PASK: variants seen among roughly 807,000 people sequenced by gnomAD.
The protein encoded by PASK is PAS domain containing serine/threonine kinase, also known as PAS domain-containing serine/threonine-protein kinase.
Under a neutral mutation model 121.0 loss-of-function variants are expected in PASK, and 110 were observed. The observed-to-expected ratio is 0.91, with a 90% CI of 0.78 to 1.06. PASK has a LOEUF of 1.06. Among genes scored for constraint, PASK ranks in the 50% least tolerant of loss-of-function variants. The pLI, the probability that PASK is intolerant of heterozygous loss-of-function variation, is 0.00. For synonymous variants in PASK, 686 were observed against 717.8 expected, an observed-to-expected ratio of 0.96 and a Z score of 0.71; for missense variants, 1,643 against 1,702.3, an observed-to-expected ratio of 0.97 and a Z score of 0.61.
chr2:241,124,233 TC>T, intron 10 of PASK, 100 bp from the exon 11 acceptor site: 1 of 943,614 alleles, frequency 1.1e-6, no homozygotes, highest in Non-Finnish European at 1.7e-6. Flanking sequence ...AACAGTCCAA[TC>T]CCCAGCAGCT....
chr2:241,107,392 C>T lies in PASK; in HGVS notation c.3775G>A (p.Asp1259Asn), dbSNP rs1368573604. 1 of 1,614,066 alleles carries T rather than the reference C, an allele frequency of 6.2e-7. No individual in the cohort carries two copies. Among genetic ancestry groups the T allele is most frequent in the Non-Finnish European group, 8.5e-7 (1 of 1,179,928 alleles). ...CGAAACACCTCTTCCCATGTATAGT[C>T]AGCAAGATTCACAGGCTGTGTTACC... ...PWVTQPVNLA[D>N]YTWEEVFRVN... The change falls in exon 17 of 18, where the codon GAC becomes AAC. Residue 1259 changes from aspartate (D) to asparagine (N), a missense_variant. Asp to Asn is a conservative substitution (Grantham distance 23). Transcript: ENST00000234040.
At chr2:241,114,850 C>A (rs1449849706) in intron 14 of PASK, 193 bp downstream of exon 14, 5 of 1,494,620 alleles carry the variant, frequency 3.3e-6, no homozygotes. Flanking sequence ...ATCCTTCCTT[C>A]CCAACCTCAC....
At chr2:241,149,074 G>A (rs1053218952) in intron 1 of PASK, among the ~76,000 whole-genome samples, 2 of 152,092 alleles carry the variant, frequency 1.3e-5, no homozygotes, top group Non-Finnish European at 2.9e-5. Context: ...GCCCCGCAGG[G>A]CCGGCTGCGG....
At chr2:241,135,612 A>T (rs1177244323) in intron 8 of PASK, among the ~76,000 whole-genome samples, 1 of 152,090 alleles carries the variant, frequency 6.6e-6, no homozygotes, top group East Asian at 1.9e-4. Flanking sequence ...TGTCTCGGAT[A>T]TCATGGGCAC....
intron 11 of PASK, among the ~76,000 whole-genome samples, chr2:241,123,532 A>G (rs573441467): frequency 3.6e-4 from 55 of 152,102 alleles, no homozygotes; most frequent in African/African-American, 1.3e-3. Context: ...AAAGTTACAA[A>G]GAGGGCCAGG....
At chr2:241,139,736 G>T in intron 4 of PASK, 149 bp downstream of exon 4, 2 of 780,372 alleles carry the variant, frequency 2.6e-6, no homozygotes, top group Non-Finnish European at 4.5e-6. Flanking sequence ...GGGAAACGGC[G>T]CCTGGGATGA....
At chr2:241,127,927 AGGGAAATGGCTCTCAGATTT>A (rs1027678968) in intron 9 of PASK, among the ~76,000 whole-genome samples, 2 of 152,258 alleles carry the variant, frequency 1.3e-5, no homozygotes, top group Non-Finnish European at 2.9e-5. Flanking sequence ...ACAGCCGACT[AGGGAAATGGCTCTCAGATTT>A]GGGAAATGGC....
rs761573627 is a variant in PASK, at chr2:241,106,494, T to C, written c.*72A>G. ...TGGGGATGCTTCAGAATGTATTTTC[T>C]CCAAACAGATGGAGCCTGAAAACTG... On this transcript the variant is annotated 3_prime_UTR_variant, in exon 18 of 18. Coordinates refer to ENST00000234040, the MANE Select transcript of PASK (RefSeq NM_015148.4). The C allele has an allele frequency of 6.6e-7, 1 of 1,523,934 alleles. No individual in the cohort carries two copies. The highest frequency in any genetic ancestry group is 9.1e-7 in the Non-Finnish European group (1 of 1,098,372). 94.4% of individuals were successfully genotyped at this position (1,523,934 alleles called of 1,614,324 possible).
chr2:241,133,097 C>A (rs901074572), intron 8 of PASK, 67 bp from the exon 9 acceptor site: 1 of 1,481,898 alleles, frequency 6.7e-7, no homozygotes, highest in South Asian at 1.1e-5. Flanking sequence ...TCTGCTCATT[C>A]GCCTGGAACT....
intron 1 of PASK, among the ~76,000 whole-genome samples, chr2:241,144,368 C>T (rs559255255): frequency 5.1e-4 from 78 of 152,298 alleles, no homozygotes; most frequent in African/African-American, 1.8e-3. Context: ...TGGCAGGAAG[C>T]CCCCACCTGG....
chr2:241,147,965 A>T (rs1455152098), intron 1 of PASK, among the ~76,000 whole-genome samples: 1 of 152,302 alleles, frequency 6.6e-6, no homozygotes, highest in East Asian at 1.9e-4. Flanking sequence ...TGAACAGCAT[A>T]GGCCCCTGGA....
chr2:241,149,723 GC>G, upstream of PASK: 1 of 1,549,404 alleles, frequency 6.5e-7, no homozygotes, highest in Non-Finnish European at 8.7e-7. Flanking sequence ...GTAGCGCAGA[GC>G]TCGCCTCTTG....
intron 1 of PASK, among the ~76,000 whole-genome samples, chr2:241,147,658 G>A (rs1456252348): frequency 6.6e-6 from 1 of 152,024 alleles, no homozygotes; most frequent in Non-Finnish European, 1.5e-5. Flanking sequence ...TAACTATTCA[G>A]AATATATTGT....
chr2:241,127,253 T>G lies in PASK; in HGVS notation c.1662A>C (p.Pro554=), dbSNP rs1433358838. 6.2e-7 allele frequency: 1 copy of G among 1,614,238 alleles called. No individual in the cohort carries two copies. The highest frequency in any genetic ancestry group is 1.1e-5 in the South Asian group (1 of 91,090). The change falls in exon 10 of 18, where the codon CCA becomes CCC. Residue 554 remains proline (P), a synonymous_variant. Coordinates refer to ENST00000234040, the MANE Select transcript of PASK (RefSeq NM_015148.4). ...CAGCATCACTGCCCCCATCCTCAGC[T>G]GGGACTGGAGCTTCAGAATCTTCGC... is the stretch of plus-strand genomic sequence containing the variant. The part of the protein sequence containing the change: ...ASCEDSEAPV[P]AEDGGSDAGM...
At chr2:241,137,596 G>GC (rs1319931012) in intron 6 of PASK, among the ~76,000 whole-genome samples, 2 of 152,190 alleles carry the variant, frequency 1.3e-5, no homozygotes, top group African/African-American at 4.8e-5. Flanking sequence ...CACGCCACTG[G>GC]CAACTGTGCC....
chr2:241,149,739 C>T (rs2067195504), upstream of PASK: 3 of 1,544,928 alleles, frequency 1.9e-6, no homozygotes, highest in African/African-American at 1.4e-5. Flanking sequence ...CTCTTGGAGG[C>T]CTCTTTCTGA....
intron 4 of PASK, 144 bp downstream of exon 4, chr2:241,139,741 G>A (rs2066613744): frequency 1.2e-6 from 1 of 804,742 alleles, no homozygotes; most frequent in Admixed American, 2.0e-5. Flanking sequence ...ACGGCGCCTG[G>A]GATGACATTT....
intron 1 of PASK, among the ~76,000 whole-genome samples, chr2:241,148,088 C>T (rs1212414818): frequency 1.3e-5 from 2 of 152,174 alleles, no homozygotes; most frequent in Admixed American, 6.5e-5. Flanking sequence ...AATACCTGCA[C>T]GTCCAGGCCC....
chr2:241,145,211 C>G (rs2066898638), intron 1 of PASK, among the ~76,000 whole-genome samples: 1 of 152,120 alleles, frequency 6.6e-6, no homozygotes, highest in South Asian at 2.1e-4. Context: ...CCGCGCCCGG[C>G]CGACTTCTCC....
Sources: gnomAD v4.1 joint callset for allele counts (sites outside exome capture counted in the v4.1 genomes callset) on GRCh38, gnomAD v4.1.1 for gene constraint, MANE v1.5 for transcripts, NCBI Gene and HGNC (gene_info 2026-07-23, HGNC 2026-07-21) for gene names.